GRID2: variants seen among roughly 807,000 people sequenced by gnomAD.
The protein encoded by GRID2 is glutamate ionotropic receptor delta type subunit 2.
In GRID2, 33 loss-of-function variants were observed where a neutral mutation model predicts 114.8. That is an observed-to-expected ratio of 0.29 (90% CI 0.22 to 0.38). The LOEUF (loss-of-function observed/expected upper bound fraction) is 0.38, where lower values mean the gene tolerates loss of function less well. GRID2 is among the 10% of genes least tolerant of loss of function. The pLI, the probability that GRID2 is intolerant of heterozygous loss-of-function variation, is 1.00. For missense variants in GRID2, 1,184 were observed against 1,257.7 expected (o/e 0.94, Z 0.89); for synonymous variants, 505 against 449.9 (o/e 1.12, Z -1.55).
intron 8 of GRID2, among the ~76,000 whole-genome samples, chr4:93,339,967 C>A (rs1759481835): frequency 6.6e-6 from 1 of 152,116 alleles, no homozygotes; most frequent in Non-Finnish European, 1.5e-5. Context: ...GATTCAGTTA[C>A]CTCCACCTGG....
At chr4:92,744,077 A>G (rs1281973148) in intron 2 of GRID2, among the ~76,000 whole-genome samples, 1 of 152,152 alleles carries the variant, frequency 6.6e-6, no homozygotes, top group East Asian at 1.9e-4. Context: ...TTATGTTATA[A>G]AAGAGGGAAA....
intron 2 of GRID2, among the ~76,000 whole-genome samples, chr4:92,627,185 T>A (rs1330756400): frequency 1.3e-5 from 2 of 152,090 alleles, no homozygotes; most frequent in Non-Finnish European, 2.9e-5. Flanking sequence ...AGATCTATAG[T>A]ATACGTATGG....
chr4:92,923,760 C>T (rs938596326), intron 2 of GRID2, among the ~76,000 whole-genome samples: 46 of 152,084 alleles, frequency 3.0e-4, no homozygotes, highest in Admixed American at 2.6e-4. Context: ...ATCATTTCCA[C>T]AGTAGCAATA....
intron 10 of GRID2, among the ~76,000 whole-genome samples, chr4:93,440,285 G>A (rs1256049725): frequency 6.6e-6 from 1 of 152,040 alleles, no homozygotes; most frequent in Non-Finnish European, 1.5e-5. Context: ...ACCTGCCAGT[G>A]ACTGCCCAGT....
chr4:93,425,836 A>G (rs1768791287), intron 10 of GRID2, among the ~76,000 whole-genome samples: 1 of 152,168 alleles, frequency 6.6e-6, no homozygotes, highest in South Asian at 2.1e-4. Context: ...ACTAAGCCTA[A>G]TAAAGGAGGG....
intron 1 of GRID2, among the ~76,000 whole-genome samples, chr4:92,534,474 G>T (rs17019446): frequency 3.5e-4 from 53 of 152,102 alleles, no homozygotes; most frequent in Non-Finnish European, 6.6e-4. Context: ...AAATCAAAGA[G>T]GGGGACAATT....
At chr4:92,851,501 A>G (rs1743789964) in intron 2 of GRID2, among the ~76,000 whole-genome samples, 1 of 151,928 alleles carries the variant, frequency 6.6e-6, no homozygotes, top group South Asian at 2.1e-4. Context: ...TAAAACATAT[A>G]ATAGCTTTGA....
chr4:92,809,865 T>C (rs939630473), intron 2 of GRID2, among the ~76,000 whole-genome samples: 37 of 152,128 alleles, frequency 2.4e-4, no homozygotes, highest in Admixed American at 2.3e-3. Flanking sequence ...TATCATAATA[T>C]TTATATCACC....
chr4:93,271,453 G>T (rs1404967377), intron 8 of GRID2, among the ~76,000 whole-genome samples: 1 of 152,108 alleles, frequency 6.6e-6, no homozygotes, highest in Admixed American at 6.5e-5. Flanking sequence ...GAAGCTGAGG[G>T]AGCAGAAATC....
chr4:92,533,233 G>C (rs1288651407), intron 1 of GRID2, among the ~76,000 whole-genome samples: 2 of 149,646 alleles, frequency 1.3e-5, no homozygotes, highest in African/African-American at 4.9e-5. Context: ...ACAAAACTTG[G>C]ATTTAAATCT....
At chr4:92,933,746 C>T (rs1227456987) in intron 2 of GRID2, among the ~76,000 whole-genome samples, 4 of 151,584 alleles carry the variant, frequency 2.6e-5, no homozygotes, top group Admixed American at 1.3e-4. Context: ...TATGGCAACC[C>T]TCCCACCAAA....
At chr4:93,222,233 A>G (rs1320474307) in intron 6 of GRID2, among the ~76,000 whole-genome samples, 5 of 152,114 alleles carry the variant, frequency 3.3e-5, no homozygotes, top group African/African-American at 4.8e-5. Flanking sequence ...TAGATTTAAA[A>G]AAGAATTTAG....
At chr4:93,580,126 A>G (rs1389800828) in intron 13 of GRID2, among the ~76,000 whole-genome samples, 1 of 152,230 alleles carries the variant, frequency 6.6e-6, no homozygotes, top group East Asian at 1.9e-4. Context: ...GACTTCAGTG[A>G]ATATTGATGA....
chr4:93,208,810 G>A (rs974700775), intron 5 of GRID2, among the ~76,000 whole-genome samples: 1 of 151,862 alleles, frequency 6.6e-6, no homozygotes, highest in African/African-American at 2.4e-5. Flanking sequence ...CAGGCAATAC[G>A]TATCTGGAGG....
chr4:92,495,040 G>T (rs992963363), intron 1 of GRID2, among the ~76,000 whole-genome samples: 5 of 151,930 alleles, frequency 3.3e-5, no homozygotes, highest in African/African-American at 1.2e-4. Flanking sequence ...TATACAGAAA[G>T]TGAAAAGTAT....
At chr4:93,565,291 T>C (rs1735297086) in intron 13 of GRID2, among the ~76,000 whole-genome samples, 1 of 152,132 alleles carries the variant, frequency 6.6e-6, no homozygotes, top group Admixed American at 6.6e-5. Context: ...CTGAATAACA[T>C]TGGTGGATTT....
chr4:93,722,240 G>A (rs531052800), intron 14 of GRID2, among the ~76,000 whole-genome samples: 1 of 151,930 alleles, frequency 6.6e-6, no homozygotes, highest in Non-Finnish European at 1.5e-5. Context: ...ATTATACTAA[G>A]TACTAGTTAT....
intron 1 of GRID2, among the ~76,000 whole-genome samples, chr4:92,402,598 G>A (rs936434927): frequency 1.3e-5 from 2 of 152,156 alleles, no homozygotes; most frequent in Admixed American, 6.5e-5. Flanking sequence ...AAGGAATCTT[G>A]TTTTATGAGC....
chr4:93,458,695 A>G (rs1173932947), intron 11 of GRID2, among the ~76,000 whole-genome samples: 2 of 152,186 alleles, frequency 1.3e-5, no homozygotes, highest in South Asian at 2.1e-4. Flanking sequence ...TAAGTGTCAC[A>G]TAAGTGTTTA....
Sources: allele counts gnomAD v4.1 joint callset (sites outside exome capture counted in the v4.1 genomes callset), GRCh38; gene constraint gnomAD v4.1.1; transcripts MANE v1.5; gene names NCBI Gene and HGNC (gene_info 2026-07-23, HGNC 2026-07-21).